The following TMEM144 variants were observed in gnomAD, a reference collection of about 807,000 sequenced individuals.
The protein encoded by TMEM144 is transmembrane protein 144.
Under a neutral mutation model 43.6 loss-of-function variants are expected in TMEM144, and 39 were observed. That is an observed-to-expected ratio of 0.90 (90% confidence interval 0.69 to 1.17). The LOEUF is 1.17. Among genes scored for constraint, TMEM144 ranks in the 50% most tolerant of loss-of-function variants. The pLI is 0.00. For synonymous variants in TMEM144, 154 were observed against 133.6 expected, an observed-to-expected ratio of 1.15 and a Z score of -1.06; for missense variants, 417 against 411.9, an observed-to-expected ratio of 1.01 and a Z score of -0.11.
chr4:158,222,008 G>A (rs1360942428), intron 6 of TMEM144, among the ~76,000 whole-genome samples: 1 of 152,076 alleles, frequency 6.6e-6, no homozygotes, highest in Non-Finnish European at 1.5e-5. Context: ...TCCATAGAAG[G>A]CCACAGTCAT....
intron 5 of TMEM144, 21 bp downstream of exon 5, chr4:158,217,441 T>C: frequency 6.6e-7 from 1 of 1,519,108 alleles, no homozygotes; most frequent in Non-Finnish European, 9.1e-7. Flanking sequence ...TCAAACTAGT[T>C]CAACTAAGAT....
rs1455752870 is a variant in TMEM144 at position 158,253,586 on chromosome 4, G to A, written c.*59G>A. 1 of 1,382,518 alleles carries A rather than the reference G, an allele frequency of 7.2e-7. No individual in the cohort carries two copies. The highest frequency in any genetic ancestry group is 1.7e-5 in the Admixed American group (1 of 57,144). 85.6% of individuals were successfully genotyped at this position (1,382,518 alleles called of 1,614,324 possible). A position where few individuals can be genotyped will look rare whatever the true frequency, so the allele number is the denominator to read the frequency against. On this transcript the variant is annotated 3_prime_UTR_variant, in exon 13 of 13. Coordinates refer to ENST00000296529, the MANE Select transcript of TMEM144 (RefSeq NM_018342.5). ...AAGAGAACGCGTCTATCGGACAGCGGAGAGATCATGCTGAGAAAAGAGTGC... is the reference window on the plus strand; with the variant it reads ...AAGAGAACGCGTCTATCGGACAGCGAAGAGATCATGCTGAGAAAAGAGTGC...
chr4:158,237,771 A>G, intron 9 of TMEM144, 128 bp downstream of exon 9: 1 of 650,490 alleles, frequency 1.5e-6, no homozygotes, highest in South Asian at 2.4e-5. Context: ...CGAATTAGAA[A>G]GGCATTGAAC....
chr4:158,212,989 G>A, intron 3 of TMEM144: 1 of 591,472 alleles, frequency 1.7e-6, no homozygotes, highest in Non-Finnish European at 3.0e-6. Context: ...TAAAGTTAGG[G>A]AGGGTACAGT....
chr4:158,252,054 G>T (rs142186935), intron 12 of TMEM144, among the ~76,000 whole-genome samples: 1 of 152,164 alleles, frequency 6.6e-6, no homozygotes, highest in African/African-American at 2.4e-5. Flanking sequence ...CAGGAAAAGA[G>T]ATGCCTCCAG....
chr4:158,219,990 G>A (rs1300710934), intron 6 of TMEM144, among the ~76,000 whole-genome samples: 1 of 152,232 alleles, frequency 6.6e-6, no homozygotes, highest in Non-Finnish European at 1.5e-5. Flanking sequence ...GCAGTGTTCA[G>A]TCCATAAAAC....
intron 6 of TMEM144, 29 bp downstream of exon 6, chr4:158,219,419 G>C (rs1560822425): frequency 1.9e-6 from 3 of 1,599,186 alleles, no homozygotes; most frequent in East Asian, 2.2e-5. Context: ...TGATTTTGCT[G>C]TTCTTCAAAA....
In TMEM144 at chr4:158,244,183, A is replaced by G; in HGVS notation, c.901-113A>G. ...TTAGTGTGGAGTTAGGGTTGATATT[A>G]TGGGTAGTTTTCCCTGAAAATATGT... On this transcript the variant is annotated intron_variant, in intron 11 of 12. Transcript: ENST00000296529. 6 of 606,616 alleles carry G rather than the reference A, an allele frequency of 9.9e-6. No homozygotes were observed. In the South Asian group the frequency reaches 1.5e-4, roughly 15 times the overall value. The allele number at this position is 606,616 out of a possible 1,614,324, so 37.6% of individuals were successfully genotyped here. A position where few individuals can be genotyped will look rare whatever the true frequency, so the allele number is the denominator to read the frequency against.
At chr4:158,226,713 T>C (rs1560826593) in intron 6 of TMEM144, among the ~76,000 whole-genome samples, 2 of 152,158 alleles carry the variant, frequency 1.3e-5, no homozygotes, top group Admixed American at 6.5e-5. Context: ...AATTCTTTTT[T>C]ATAACATTTT....
intron 5 of TMEM144, among the ~76,000 whole-genome samples, chr4:158,219,048 G>T (rs184049217): frequency 6.6e-6 from 1 of 152,108 alleles, no homozygotes; most frequent in Non-Finnish European, 1.5e-5. Flanking sequence ...AGGAGGCAGA[G>T]GTTGCAGTGA....
Position 158,215,261 on chromosome 4 carries a change from T to C in TMEM144, c.180T>C (p.His60=), listed in dbSNP as rs777688133. 6.2e-7 allele frequency: 1 copy of C among 1,613,906 alleles called. No individual in the cohort carries two copies. The highest frequency in any genetic ancestry group is 8.5e-7 in the Non-Finnish European group (1 of 1,179,808). ...LVALVVNLIL[H]CPKFWPFAML... is the part of the protein sequence containing the mutation. ...CCTTGGTTGTCAATCTGATATTACA[T>C]TGTCCAAAGTTTTGGCCTTTTGCAA... Residue 60 remains histidine (H), a synonymous_variant, in exon 4 of 13, where the codon CAT becomes CAC. Coordinates refer to ENST00000296529, the MANE Select transcript of TMEM144 (RefSeq NM_018342.5).
intron 3 of TMEM144, among the ~76,000 whole-genome samples, chr4:158,214,649 G>A (rs1734126861): frequency 1.3e-5 from 2 of 152,092 alleles, no homozygotes; most frequent in African/African-American, 2.4e-5. Context: ...TATAATGCCC[G>A]ACTCATCATA....
At chr4:158,211,429 T>C (rs1733954059) in intron 1 of TMEM144, 24 bp from the exon 2 acceptor site, 1 of 152,208 alleles carries the variant, frequency 6.6e-6, no homozygotes, top group Non-Finnish European at 1.5e-5. Flanking sequence ...GTGTTAGCTA[T>C]CACCCAGTCA....
At chr4:158,236,318 T>G (rs928047375) in intron 8 of TMEM144, among the ~76,000 whole-genome samples, 1 of 152,356 alleles carries the variant, frequency 6.6e-6, no homozygotes, top group East Asian at 1.9e-4. Flanking sequence ...GAAATAAATA[T>G]GTTGCTGGTT....
chr4:158,233,200 T>G, intron 7 of TMEM144: 1 of 410,452 alleles, frequency 2.4e-6, no homozygotes, highest in South Asian at 4.3e-5. Flanking sequence ...TTTATTTTGA[T>G]TAACAGATCT....
chr4:158,213,062 C>T (rs139397119), intron 3 of TMEM144: 127 of 487,118 alleles, frequency 2.6e-4, no homozygotes, highest in African/African-American at 2.2e-3. Context: ...ACTATAACAC[C>T]TGTTTTGAAA....
At chr4:158,228,540 T>C (rs1443785047) in intron 6 of TMEM144, among the ~76,000 whole-genome samples, 1 of 152,206 alleles carries the variant, frequency 6.6e-6, no homozygotes, top group Non-Finnish European at 1.5e-5. Context: ...ATTCAGCCAC[T>C]GCGTCGATCC....
intron 4 of TMEM144, among the ~76,000 whole-genome samples, chr4:158,217,071 C>A (rs182331698): frequency 6.6e-6 from 1 of 152,246 alleles, no homozygotes; most frequent in East Asian, 1.9e-4. Flanking sequence ...GGAGAGAAAC[C>A]TCTGTACAAT....
intron 3 of TMEM144, among the ~76,000 whole-genome samples, chr4:158,214,248 G>C (rs1036963299): frequency 2.0e-5 from 3 of 151,964 alleles, no homozygotes; most frequent in African/African-American, 7.3e-5. Flanking sequence ...GGCTGGTCTC[G>C]AACTCCTGAG....
Sources: gnomAD v4.1 joint callset for allele counts (sites outside exome capture counted in the v4.1 genomes callset) on GRCh38, gnomAD v4.1.1 for gene constraint, MANE v1.5 for transcripts, NCBI Gene and HGNC (gene_info 2026-07-23, HGNC 2026-07-21) for gene names.